The following KCNK9 variants were observed in gnomAD, a reference collection of about 807,000 sequenced individuals.
The protein encoded by KCNK9 is potassium channel subfamily K member 9.
In KCNK9, 1 loss-of-function variant was observed where a neutral mutation model predicts 10.8. That is an observed-to-expected ratio of 0.09 (90% confidence interval 0.03 to 0.44). The LOEUF is 0.44. Among genes scored for constraint, KCNK9 ranks in the 20% least tolerant of loss-of-function variants. KCNK9 has a pLI of 0.97. For synonymous variants in KCNK9, 231 were observed against 222.7 expected (o/e 1.04, Z -0.33); for missense variants, 303 against 515.0 (o/e 0.59, Z 3.98).
chr8:139,683,346 C>T (rs1344973546), intron 1 of KCNK9, among the ~76,000 whole-genome samples: 1 of 152,204 alleles, frequency 6.6e-6, no homozygotes, highest in African/African-American at 2.4e-5. Context: ...CTCCTCCCCT[C>T]TGCTGTTCTC....
At chr8:139,661,805 T>A (rs565133401) in intron 1 of KCNK9, among the ~76,000 whole-genome samples, 5 of 152,332 alleles carry the variant, frequency 3.3e-5, no homozygotes, top group African/African-American at 1.2e-4. Context: ...GACGTCCATT[T>A]CTGGGCTGCA....
intron 1 of KCNK9, among the ~76,000 whole-genome samples, chr8:139,646,842 C>G (rs1281018849): frequency 2.0e-5 from 3 of 152,204 alleles, no homozygotes; most frequent in African/African-American, 7.2e-5. Context: ...GAGCACCAAC[C>G]AGTACCTCTC....
rs768019389 is a variant in KCNK9, at chr8:139,618,958, C to T, written c.425G>A (p.Arg142His). Residue 142 changes from arginine (R) to histidine (H), a missense_variant, in exon 2 of 2, where the codon CGC (arginine) becomes CAC (histidine). Arg to His is a conservative substitution (Grantham distance 29). This residue lies in a region of KCNK9 where 32 missense variants were observed against 30.2 expected (regional missense o/e 1.06). Coordinates refer to ENST00000520439, the MANE Select transcript of KCNK9 (RefSeq NM_001282534.2). The surrounding 1 kb of genome is among the most constrained non-coding windows in gnomAD (Gnocchi z 7.9). The stretch of plus-strand genomic sequence containing the variant: ...GCGCATGCCACAGCACTTCTTAATG[C>T]GCTTCAGCAGGTAGCGCACGAAGGT... ...MNTFVRYLLK[R>H]IKKCCGMRNT... The T allele has an allele frequency of 2.5e-6, 4 of 1,614,194 alleles. No homozygotes were observed. The highest frequency in any genetic ancestry group is 1.1e-5 in the South Asian group (1 of 91,076).
At chr8:139,677,613 C>G (rs1816578070) in intron 1 of KCNK9, among the ~76,000 whole-genome samples, 1 of 152,192 alleles carries the variant, frequency 6.6e-6, no homozygotes, top group Admixed American at 6.5e-5. Flanking sequence ...CCCACAGCTG[C>G]AGAGTAATAC....
chr8:139,663,868 T>C (rs1381343112), intron 1 of KCNK9, among the ~76,000 whole-genome samples: 1 of 152,082 alleles, frequency 6.6e-6, no homozygotes, highest in African/African-American at 2.4e-5. Context: ...ATGGAGATGT[T>C]TGTTATGTAG....
chr8:139,697,335 G>C (rs982389293), intron 1 of KCNK9, among the ~76,000 whole-genome samples: 1 of 146,148 alleles, frequency 6.8e-6, no homozygotes, highest in African/African-American at 2.5e-5. Flanking sequence ...TGGTGAATGG[G>C]TGAGTGGATG....
chr8:139,657,722 G>A (rs145291322), intron 1 of KCNK9, among the ~76,000 whole-genome samples: 4 of 152,176 alleles, frequency 2.6e-5, no homozygotes, highest in African/African-American at 9.7e-5. Context: ...AAGCTGCACC[G>A]CATGGTCACT....
intron 1 of KCNK9, among the ~76,000 whole-genome samples, chr8:139,690,307 T>C (rs1369097581): frequency 6.6e-6 from 1 of 152,236 alleles, no homozygotes; most frequent in Non-Finnish European, 1.5e-5. Flanking sequence ...ATCTATCTCA[T>C]AGGATTGTCG....
downstream of KCNK9, among the ~76,000 whole-genome samples, chr8:139,613,462 C>T: frequency 6.6e-6 from 1 of 152,166 alleles, no homozygotes; most frequent in East Asian, 1.9e-4. Flanking sequence ...TTGTGACCAC[C>T]ATGGTTCTCT....
intron 1 of KCNK9, among the ~76,000 whole-genome samples, chr8:139,665,256 C>G (rs1816269777): frequency 6.6e-6 from 1 of 152,186 alleles, no homozygotes; most frequent in Non-Finnish European, 1.5e-5. Context: ...GTTTTAGATG[C>G]TTCTGCACTG....
chr8:139,642,944 C>T lies in KCNK9; in HGVS notation c.284-23845G>A, dbSNP rs79284082. Among the ~76,000 whole-genome samples, 168 of 152,246 alleles carry T rather than the reference C, an allele frequency of 1.1e-3. 4 individuals carry two copies. In the East Asian group the frequency reaches 0.03, roughly 27 times the overall value. On this transcript the variant is annotated intron_variant, in intron 1 of 1. Transcript: ENST00000520439. The stretch of plus-strand genomic sequence containing the variant: ...GGGTAGGTGGCCAAGGAAAAGAACT[C>T]GTGTCCTATGGTCAGATAGCTCCTG...
At position 139,700,298 on chromosome 8, in the gene KCNK9, G is replaced by A. The variant is rs922621182; in HGVS notation, c.283+2412C>T. On this transcript the variant is annotated intron_variant, in intron 1 of 1. Coordinates refer to ENST00000520439, the MANE Select transcript of KCNK9 (RefSeq NM_001282534.2). ...ACCTTAAAAGTCAGCCTGTCAGGTA[G>A]TTATTGTGAGACATCTCTTCTGCAG... Among the ~76,000 whole-genome samples the A allele has an allele frequency of 3.9e-5, 6 of 152,298 alleles. No homozygotes were observed. In the East Asian group the frequency reaches 5.8e-4, roughly 15 times the overall value.
At position 139,702,674 on chromosome 8, in the gene KCNK9, G is replaced by C; in HGVS notation, c.283+36C>G. On this transcript the variant is annotated intron_variant, in intron 1 of 1. Transcript: ENST00000520439. The surrounding 1 kb of genome is among the most constrained non-coding windows in gnomAD (Gnocchi z 7.5). ...TCAGCCGCCTCCCCGGACTCCTCCC[G>C]GGGCGCGGGAGCCCAGCGGCGCGCC... 2.5e-6 allele frequency: 4 copies of C among 1,577,400 alleles called. No individual in the cohort carries two copies. Among genetic ancestry groups the C allele is most frequent in the Non-Finnish European group, 3.4e-6 (4 of 1,166,488 alleles).
rs1267526426 is a variant in KCNK9, at chr8:139,618,399, G to A, written c.984C>T (p.His328=). The A allele has an allele frequency of 6.2e-7, 1 of 1,614,164 alleles. No homozygotes were observed. Among genetic ancestry groups the A allele is most frequent in the East Asian group, 2.2e-5 (1 of 44,852 alleles). ...FSAKLAPHYF[H]SISYKIEEIS... Reference sequence around the variant, plus strand: ...TCTCCTCGATCTTGTAAGAGATGGAGTGGAAGTAGTGGGGGGCAAGCTTGG... The same window carrying A: ...TCTCCTCGATCTTGTAAGAGATGGAATGGAAGTAGTGGGGGGCAAGCTTGG... Residue 328 remains histidine, a synonymous_variant, in exon 2 of 2, where the codon CAC becomes CAT. Coordinates refer to ENST00000520439, the MANE Select transcript of KCNK9 (RefSeq NM_001282534.2). The surrounding 1 kb of genome is among the most constrained non-coding windows in gnomAD (Gnocchi z 7.9).
chr8:139,618,159 A>G lies in KCNK9; in HGVS notation c.*99T>C. The G allele has an allele frequency of 2.1e-6, 3 of 1,430,844 alleles. No individual in the cohort carries two copies. Among genetic ancestry groups the G allele is most frequent in the Non-Finnish European group, 2.9e-6 (3 of 1,032,802 alleles). The allele number at this position is 1,430,844 out of a possible 1,614,324, so 88.6% of individuals were successfully genotyped here. ...AAGGAGAGAAAGTAATAATGATGAC[A>G]ATAATAATAATAAATAAATAAGAAA... is the stretch of plus-strand genomic sequence containing the variant. On this transcript the variant is annotated 3_prime_UTR_variant, in exon 2 of 2. Transcript: ENST00000520439. This position sits in a 1 kb window ranked among gnomAD's most constrained non-coding sequence, Gnocchi z 7.9.
chr8:139,659,012 T>C (rs934703829), intron 1 of KCNK9, among the ~76,000 whole-genome samples: 1 of 137,472 alleles, frequency 7.3e-6, no homozygotes, highest in Non-Finnish European at 1.5e-5. Context: ...TAGAGGTGAG[T>C]GTGAAGCAAA....
chr8:139,628,225 T>G (rs894277027), intron 1 of KCNK9, among the ~76,000 whole-genome samples: 2 of 152,194 alleles, frequency 1.3e-5, no homozygotes, highest in Admixed American at 6.5e-5. Context: ...CCATCTCCTT[T>G]GCCTTTCCTC....
At chr8:139,636,942 G>A (rs1453336671) in intron 1 of KCNK9, among the ~76,000 whole-genome samples, 3 of 152,146 alleles carry the variant, frequency 2.0e-5, no homozygotes, top group African/African-American at 7.2e-5. Context: ...TCAGTGAGAG[G>A]GCAGTATTTG....
intron 1 of KCNK9, among the ~76,000 whole-genome samples, chr8:139,654,103 T>A (rs1300471724): frequency 6.6e-6 from 1 of 152,170 alleles, no homozygotes; most frequent in Non-Finnish European, 1.5e-5. Context: ...AGCTTTCCAG[T>A]TAGGAAAAGG....
Sources: gnomAD v4.1 joint callset for allele counts (sites outside exome capture counted in the v4.1 genomes callset) on GRCh38, gnomAD v4.1.1 for gene constraint, gnomAD v4.1.1 regional missense constraint, Gnocchi (gnomAD v3.1) non-coding constraint, MANE v1.5 for transcripts, NCBI Gene and HGNC (gene_info 2026-07-23, HGNC 2026-07-21) for gene names.